Variants in ARHGAP10 observed in about 807,000 individuals in gnomAD.
The protein encoded by ARHGAP10 is Rho GTPase activating protein 10.
Under a neutral mutation model 108.6 loss-of-function variants are expected in ARHGAP10, and 87 were observed. The ratio of observed to expected loss-of-function variants is 0.80; its 90% CI spans 0.67 to 0.96. The LOEUF (loss-of-function observed/expected upper bound fraction) is 0.96. Ranked by LOEUF, ARHGAP10 falls within the 40% of genes least tolerant of loss-of-function variation. The pLI is 0.00. For synonymous variants in ARHGAP10, 347 were observed against 341.1 expected, an observed-to-expected ratio of 1.02 and a Z score of -0.19; for missense variants, 939 against 954.5, an observed-to-expected ratio of 0.98 and a Z score of 0.21.
Position 147,955,318 on chromosome 4 carries a change from G to A in ARHGAP10, c.1394G>A (p.Ser465Asn), listed in dbSNP as rs780993009. The A allele has an allele frequency of 1.2e-6, 2 of 1,610,698 alleles. No individual in the cohort carries two copies. The highest frequency in any genetic ancestry group is 2.2e-5 in the South Asian group (2 of 90,720). The stretch of plus-strand genomic sequence containing the variant: ...TCTGAGCTGTTCTTTTCACACAGGA[G>A]TCTTCCAGAGCCTCTCATGACCTAT... ...ITSALKQYLR[S>N]LPEPLMTYEL... Residue 465 changes from serine (S) to asparagine (N), a missense_variant and splice_region_variant, in exon 16 of 23, where the codon AGT becomes AAT. Transcript: ENST00000336498.
At chr4:148,049,253 G>A (rs550335723) in intron 20 of ARHGAP10, among the ~76,000 whole-genome samples, 2 of 152,264 alleles carry the variant, frequency 1.3e-5, no homozygotes, top group East Asian at 1.9e-4. Context: ...CTGTAGGTCC[G>A]AGAAGGGTCC....
chr4:147,905,783 G>A (rs1399414100), intron 10 of ARHGAP10, among the ~76,000 whole-genome samples: 1 of 150,950 alleles, frequency 6.6e-6, no homozygotes, highest in African/African-American at 2.4e-5. Flanking sequence ...GTCATTGGTA[G>A]CTTGATGGGG....
intron 18 of ARHGAP10, among the ~76,000 whole-genome samples, chr4:147,974,572 G>A (rs1184044806): frequency 6.6e-6 from 1 of 152,086 alleles, no homozygotes; most frequent in Non-Finnish European, 1.5e-5. Context: ...TCTTATTGAG[G>A]GTTTTAATTG....
intron 1 of ARHGAP10, among the ~76,000 whole-genome samples, chr4:147,735,061 AT>A (rs1728363975): frequency 6.6e-6 from 1 of 152,182 alleles, no homozygotes; most frequent in Non-Finnish European, 1.5e-5. Context: ...GAAGTCTTCC[AT>A]AAATATTTAG....
intron 1 of ARHGAP10, among the ~76,000 whole-genome samples, chr4:147,753,562 C>A (rs1332591567): frequency 6.6e-6 from 1 of 151,214 alleles, no homozygotes; most frequent in Non-Finnish European, 1.5e-5. Context: ...CCATGTTGGC[C>A]AGGTTGGTCT....
At chr4:147,854,905 C>T in intron 4 of ARHGAP10, 1 of 975,908 alleles carries the variant, frequency 1.0e-6, no homozygotes, top group Non-Finnish European at 1.2e-6. Context: ...GGCTTGATGT[C>T]TCCTTTTTCT....
intron 18 of ARHGAP10, among the ~76,000 whole-genome samples, chr4:147,979,517 C>CT (rs886687696): frequency 2.7e-5 from 4 of 150,380 alleles, no homozygotes; most frequent in East Asian, 1.9e-4. Context: ...ACTGTTGAGG[C>CT]TTTTTTTTTC....
intron 8 of ARHGAP10, among the ~76,000 whole-genome samples, chr4:147,875,445 ATT>A (rs1303236010): frequency 3.9e-5 from 6 of 152,146 alleles, no homozygotes; most frequent in African/African-American, 1.2e-4. Flanking sequence ...GAGAGTCAGA[ATT>A]TGGTGTAAGG....
chr4:148,000,286 A>G (rs1482626712), intron 18 of ARHGAP10, among the ~76,000 whole-genome samples: 2 of 152,164 alleles, frequency 1.3e-5, no homozygotes, highest in Non-Finnish European at 2.9e-5. Flanking sequence ...ATAGTATTCC[A>G]TGGTGTATAT....
chr4:147,854,413 T>C (rs1734007222), intron 4 of ARHGAP10, among the ~76,000 whole-genome samples: 1 of 152,216 alleles, frequency 6.6e-6, no homozygotes, highest in Non-Finnish European at 1.5e-5. Context: ...TTTCATTGCC[T>C]ACCACTCCTG....
chr4:147,797,044 G>T (rs770438022), intron 1 of ARHGAP10, among the ~76,000 whole-genome samples: 2 of 152,086 alleles, frequency 1.3e-5, no homozygotes, highest in East Asian at 3.8e-4. Flanking sequence ...GACAGTGATG[G>T]AAATAATCTT....
chr4:148,016,001 G>A (rs1231828290), intron 18 of ARHGAP10, among the ~76,000 whole-genome samples: 1 of 152,190 alleles, frequency 6.6e-6, no homozygotes, highest in East Asian at 1.9e-4. Flanking sequence ...GATGTTGGAG[G>A]CAATGGAACA....
intron 19 of ARHGAP10, among the ~76,000 whole-genome samples, chr4:148,043,943 T>C (rs924126347): frequency 4.6e-5 from 7 of 151,964 alleles, no homozygotes; most frequent in African/African-American, 1.7e-4. Flanking sequence ...ACCTGATGAT[T>C]TATTCTCCCT....
intron 5 of ARHGAP10, chr4:147,864,643 AC>A: frequency 4.0e-6 from 2 of 496,100 alleles, no homozygotes; most frequent in Non-Finnish European, 7.1e-6. Flanking sequence ...TTCCTGTTGC[AC>A]CTGCTCAATT....
At chr4:147,993,013 A>G (rs1228100979) in intron 18 of ARHGAP10, among the ~76,000 whole-genome samples, 1 of 152,250 alleles carries the variant, frequency 6.6e-6, no homozygotes, top group Non-Finnish European at 1.5e-5. Flanking sequence ...ACTACTTCTT[A>G]TGCAGATATT....
chr4:147,983,931 C>CT (rs1301648131), intron 18 of ARHGAP10, among the ~76,000 whole-genome samples: 16 of 151,620 alleles, frequency 1.1e-4, no homozygotes, highest in Non-Finnish European at 1.3e-4. Flanking sequence ...CTGATGTTTT[C>CT]TTTTTTTTGA....
intron 1 of ARHGAP10, among the ~76,000 whole-genome samples, chr4:147,764,691 T>A (rs182698486): frequency 6.6e-6 from 1 of 151,954 alleles, no homozygotes; most frequent in Non-Finnish European, 1.5e-5. Context: ...TGCACCACCA[T>A]GCCCAGCTGA....
chr4:147,752,230 T>C (rs931057313), intron 1 of ARHGAP10, among the ~76,000 whole-genome samples: 9 of 152,158 alleles, frequency 5.9e-5, no homozygotes, highest in African/African-American at 2.2e-4. Context: ...ATTGATACAG[T>C]ATTTCACAGA....
At chr4:147,830,571 G>A (rs1194983542) in intron 3 of ARHGAP10, among the ~76,000 whole-genome samples, 2 of 138,306 alleles carry the variant, frequency 1.4e-5, no homozygotes, top group Non-Finnish European at 3.0e-5. Flanking sequence ...CCAGGCTGAA[G>A]TGCAGTGGTG....
Sources: allele counts gnomAD v4.1 joint callset (sites outside exome capture counted in the v4.1 genomes callset), GRCh38; gene constraint gnomAD v4.1.1; transcripts MANE v1.5; gene names NCBI Gene and HGNC (gene_info 2026-07-23, HGNC 2026-07-21).